Variants in STPG2 observed in about 807,000 individuals in gnomAD.
STPG2 encodes sperm tail PG-rich repeat containing 2.
In STPG2, 56 loss-of-function variants were observed where a neutral mutation model predicts 54.2. The ratio of observed to expected loss-of-function variants is 1.03; its 90% CI spans 0.83 to 1.29. The LOEUF (loss-of-function observed/expected upper bound fraction) is 1.29, where lower values mean the gene tolerates loss of function less well. Ranked by LOEUF, STPG2 falls within the 50% of genes most tolerant of loss-of-function variation. The pLI is 0.00. For missense variants in STPG2, 596 were observed against 544.9 expected (o/e 1.09, Z -0.93); for synonymous variants, 200 against 181.8 (o/e 1.10, Z -0.81).
intron 8 of STPG2, among the ~76,000 whole-genome samples, chr4:97,894,870 T>A (rs780624933): frequency 2.6e-5 from 4 of 151,882 alleles, no homozygotes; most frequent in Non-Finnish European, 5.9e-5. Context: ...ATTTCTAAAT[T>A]TGTTTTAAAA....
intron 4 of STPG2, among the ~76,000 whole-genome samples, chr4:97,444,422 C>T (rs1299824003): frequency 1.3e-5 from 2 of 152,052 alleles, no homozygotes; most frequent in Non-Finnish European, 2.9e-5. Context: ...AAAGACATTA[C>T]CTTCAAAGGA....
At chr4:97,863,740 C>T (rs1050078359) in intron 8 of STPG2, among the ~76,000 whole-genome samples, 4 of 152,130 alleles carry the variant, frequency 2.6e-5, no homozygotes, top group Non-Finnish European at 1.5e-5. Flanking sequence ...CATCAAAAAG[C>T]TTATCCACCA....
chr4:97,540,761 C>T (rs965529444), intron 4 of STPG2, among the ~76,000 whole-genome samples: 7 of 152,134 alleles, frequency 4.6e-5, no homozygotes, highest in African/African-American at 1.7e-4. Context: ...CATCAAAAAG[C>T]TTATCCACCA....
At chr4:97,695,775 T>C (rs1204455400) in intron 10 of STPG2, among the ~76,000 whole-genome samples, 12 of 150,334 alleles carry the variant, frequency 8.0e-5, no homozygotes, top group Non-Finnish European at 1.3e-4. Flanking sequence ...AAGAAACTAC[T>C]TAGGAATATA....
At chr4:97,944,774 A>C (rs542550319) in intron 7 of STPG2, among the ~76,000 whole-genome samples, 2 of 152,250 alleles carry the variant, frequency 1.3e-5, no homozygotes, top group African/African-American at 4.8e-5. Context: ...TTTTGGTAAC[A>C]TTAATTTACT....
In STPG2 at chr4:97,604,704, T is replaced by C. The variant is rs17026841; in HGVS notation, c.1321-45587A>G. Among the ~76,000 whole-genome samples, 1,038 of 151,866 alleles carry C rather than the reference T, an allele frequency of 6.8e-3. 14 individuals are homozygous for C. Among genetic ancestry groups the C allele is most frequent in the South Asian group, 0.035 (169 of 4,828 alleles). On this transcript the variant is annotated intron_variant, in intron 10 of 10. Transcript: ENST00000295268. Reference sequence around the variant, plus strand: ...TAAGGCTTTAGAATGTGAAGAGAGATAAATTTGTTAATAATACTTGAGAAA... The same window carrying C: ...TAAGGCTTTAGAATGTGAAGAGAGACAAATTTGTTAATAATACTTGAGAAA...
At chr4:97,445,376 G>A (rs1353827423) in intron 4 of STPG2, among the ~76,000 whole-genome samples, 1 of 152,012 alleles carries the variant, frequency 6.6e-6, no homozygotes, top group Non-Finnish European at 1.5e-5. Context: ...TTCTAGACCA[G>A]CACTGTCTAA....
chr4:97,928,714 G>C (rs1283935314), intron 8 of STPG2, among the ~76,000 whole-genome samples: 2 of 151,832 alleles, frequency 1.3e-5, no homozygotes, highest in African/African-American at 4.8e-5. Context: ...ACTGATTTGT[G>C]AATTTTTAAC....
chr4:98,037,353 TA>T (rs1455923746), intron 5 of STPG2, among the ~76,000 whole-genome samples: 13 of 152,044 alleles, frequency 8.6e-5, no homozygotes, highest in African/African-American at 3.1e-4. Context: ...CCAAACAAAT[TA>T]AGGGAGACAA....
At chr4:98,025,671 T>G in intron 5 of STPG2, 1 of 1,031,080 alleles carries the variant, frequency 9.7e-7, no homozygotes, top group South Asian at 1.3e-5. Flanking sequence ...ACAAATTATG[T>G]TGCAGCGTAT....
rs575748441 is a variant in STPG2, at chr4:97,949,194, C to T, written c.934-5187G>A. On this transcript the variant is annotated intron_variant, in intron 7 of 10. Transcript: ENST00000295268. Reference sequence around the variant, plus strand: ...TCTTTGTCATTTTTTACTGCTGTTGCTTTAAAGTTTGTTGTTGTTTTATCT... The same window carrying T: ...TCTTTGTCATTTTTTACTGCTGTTGTTTTAAAGTTTGTTGTTGTTTTATCT... Among the ~76,000 whole-genome samples, 7 of 152,094 alleles carry T rather than the reference C, an allele frequency of 4.6e-5. No homozygotes were observed. In the South Asian group the frequency reaches 8.3e-4, roughly 18 times the overall value.
At chr4:97,741,357 A>C (rs2149036986) in intron 9 of STPG2, among the ~76,000 whole-genome samples, 1 of 152,312 alleles carries the variant, frequency 6.6e-6, no homozygotes, top group African/African-American at 2.4e-5. Context: ...GCCAGAATTG[A>C]CAAATGGGAT....
chr4:97,528,191 C>T (rs749028177), intron 4 of STPG2, among the ~76,000 whole-genome samples: 20 of 151,900 alleles, frequency 1.3e-4, no homozygotes, highest in African/African-American at 1.9e-4. Context: ...GTGTAAGAAA[C>T]GGATCCAGTT....
chr4:97,751,233 C>T (rs1388690510), intron 9 of STPG2, among the ~76,000 whole-genome samples: 1 of 151,790 alleles, frequency 6.6e-6, no homozygotes, highest in Non-Finnish European at 1.5e-5. Context: ...CCTAGTTCCT[C>T]CTGGATTTTG....
Position 97,563,969 on chromosome 4 carries a change from G to C in STPG2, c.1321-4852C>G, listed in dbSNP as rs181301273. ...CTAGGTCTGCTTGGTGCAGAGCTGA[G>C]TTCAATTCCTGGATATCCTTTTTAA... On this transcript the variant is annotated intron_variant, in intron 10 of 10. Transcript: ENST00000295268. 3.3e-5 allele frequency among the ~76,000 whole-genome samples: 5 copies of C among 152,288 alleles called. No individual in the cohort carries two copies. In the East Asian group the frequency reaches 9.7e-4, roughly 29 times the overall value.
intron 8 of STPG2, among the ~76,000 whole-genome samples, chr4:97,936,917 T>G (rs528550782): frequency 6.6e-6 from 1 of 152,198 alleles, no homozygotes; most frequent in South Asian, 2.1e-4. Flanking sequence ...AATTTAAAAG[T>G]TGGCCTGTCT....
chr4:98,054,955 G>C (rs1299383487), intron 5 of STPG2, among the ~76,000 whole-genome samples: 1 of 152,066 alleles, frequency 6.6e-6, no homozygotes, highest in Non-Finnish European at 1.5e-5. Context: ...TTACTCTCCA[G>C]AAAAATGTAT....
At chr4:97,491,453 G>T (rs1170293106) in intron 4 of STPG2, among the ~76,000 whole-genome samples, 1 of 151,462 alleles carries the variant, frequency 6.6e-6, no homozygotes, top group Non-Finnish European at 1.5e-5. Flanking sequence ...CAGACTTACA[G>T]AAATGCAGAA....
chr4:97,644,341 C>T (rs1007062668), intron 10 of STPG2, among the ~76,000 whole-genome samples: 3 of 151,934 alleles, frequency 2.0e-5, no homozygotes, highest in Non-Finnish European at 4.4e-5. Context: ...GTTACAAGAA[C>T]TCATGGAGAA....
Sources: gnomAD v4.1 joint callset for allele counts (sites outside exome capture counted in the v4.1 genomes callset) on GRCh38, gnomAD v4.1.1 for gene constraint, MANE v1.5 for transcripts, NCBI Gene and HGNC (gene_info 2026-07-23, HGNC 2026-07-21) for gene names.